Variants in ERN1 observed in about 807,000 individuals in gnomAD.
ERN1 encodes endoplasmic reticulum to nucleus signaling 1.
In ERN1, 39 loss-of-function variants were observed where a neutral mutation model predicts 113.1. The ratio of observed to expected loss-of-function variants is 0.34; its 90% confidence interval spans 0.27 to 0.45. The LOEUF (loss-of-function observed/expected upper bound fraction) is 0.45. Among genes scored for constraint, ERN1 ranks in the 20% least tolerant of loss-of-function variants. The pLI is 1.00. For synonymous variants in ERN1, 507 were observed against 515.9 expected (o/e 0.98, Z 0.23); for missense variants, 976 against 1,274.8 (o/e 0.77, Z 3.57).
chr17:64,047,533 T>C (rs1598043283), intron 19 of ERN1, among the ~76,000 whole-genome samples: 1 of 152,326 alleles, frequency 6.6e-6, no homozygotes, highest in African/African-American at 2.4e-5. Flanking sequence ...TTATGTATTA[T>C]ATATTTGGAA....
intron 5 of ERN1, among the ~76,000 whole-genome samples, chr17:64,074,151 TAG>T (rs2143395322): frequency 6.6e-6 from 1 of 152,332 alleles, no homozygotes; most frequent in East Asian, 1.9e-4. Context: ...CAAGAACCAC[TAG>T]AGTTTACATA....
chr17:64,071,553 TG>T (rs1913417577), intron 6 of ERN1, among the ~76,000 whole-genome samples: 1 of 152,108 alleles, frequency 6.6e-6, no homozygotes, highest in South Asian at 2.1e-4. Flanking sequence ...CCTGAGTAGC[TG>T]GGATTACAGG....
chr17:64,091,004 T>C (rs947650350), intron 2 of ERN1, among the ~76,000 whole-genome samples: 14 of 152,230 alleles, frequency 9.2e-5, no homozygotes, highest in African/African-American at 3.4e-4. Flanking sequence ...TAATTTTCAA[T>C]CCTTCACAAC....
At chr17:64,048,060 C>A in intron 18 of ERN1, 75 bp from the exon 19 acceptor site, 1 of 1,263,406 alleles carries the variant, frequency 7.9e-7, no homozygotes, top group Middle Eastern at 1.9e-4. Context: ...CTTTAAAAAG[C>A]TGCACACCCT....
chr17:64,061,472 T>C (rs781203570), intron 10 of ERN1, among the ~76,000 whole-genome samples: 2 of 152,238 alleles, frequency 1.3e-5, no homozygotes, highest in Non-Finnish European at 2.9e-5. Flanking sequence ...TTTCATGACA[T>C]ACATGCCAAG....
intron 2 of ERN1, among the ~76,000 whole-genome samples, chr17:64,091,626 A>G (rs1454115819): frequency 6.6e-6 from 1 of 152,198 alleles, no homozygotes; most frequent in Non-Finnish European, 1.5e-5. Context: ...TCACAGATGA[A>G]CAGGAGCTTG....
chr17:64,074,104 G>A (rs1320240258), intron 5 of ERN1, among the ~76,000 whole-genome samples: 2 of 152,128 alleles, frequency 1.3e-5, no homozygotes, highest in Non-Finnish European at 2.9e-5. Flanking sequence ...CTAGGACCAC[G>A]AACCTTTTCC....
At position 64,096,781 on chromosome 17, in the gene ERN1, A is replaced by C. The variant is rs559901271; in HGVS notation, c.175+1340T>G. 1.6e-4 allele frequency among the ~76,000 whole-genome samples: 25 copies of C among 152,330 alleles called. No homozygotes were observed. The South Asian group carries it at 5.2e-3, about 32-fold the overall frequency. ...CGGAGAGGACACAGTTTTGTTGCAT[A>C]CAGATGACATTACTTGCAGAAATGA... On this transcript the variant is annotated intron_variant, in intron 2 of 21. Coordinates refer to ENST00000433197, the MANE Select transcript of ERN1 (RefSeq NM_001433.5).
In ERN1 at chr17:64,079,663, G is replaced by A. The variant is rs200474313; in HGVS notation, c.281C>T (p.Thr94Met). Residue 94 changes from threonine (T) to methionine (M), a missense_variant and splice_region_variant, in exon 4 of 22, where the codon ACG (threonine) becomes ATG (methionine). Coordinates refer to ENST00000433197, the MANE Select transcript of ERN1 (RefSeq NM_001433.5). ...CAAAAAGCAGCTAAATATACTCACCGTCAGGCCTTCATTATTCTTGCTTCC... is the reference window on the plus strand; with the variant it reads ...CAAAAAGCAGCTAAATATACTCACCATCAGGCCTTCATTATTCTTGCTTCC... ...TLGSKNNEGL[T>M]KLPFTIPELV... is the part of the protein sequence containing the mutation. 1.6e-5 allele frequency: 26 copies of A among 1,612,808 alleles called. No individual in the cohort carries two copies. The highest frequency in any genetic ancestry group is 1.6e-4 in the Middle Eastern group (1 of 6,084).
At chr17:64,107,952 T>C (rs929817684) in intron 1 of ERN1, among the ~76,000 whole-genome samples, 2 of 152,232 alleles carry the variant, frequency 1.3e-5, no homozygotes, top group Admixed American at 1.3e-4. Context: ...CTATCGGCTG[T>C]TATGTTTCCT....
intron 17 of ERN1, among the ~76,000 whole-genome samples, chr17:64,050,085 C>T (rs1181847776): frequency 1.3e-5 from 2 of 152,182 alleles, no homozygotes; most frequent in African/African-American, 4.8e-5. Flanking sequence ...CAGATGAGAA[C>T]GTGGACAGAA....
chr17:64,112,367 C>CA (rs779687545), intron 1 of ERN1, among the ~76,000 whole-genome samples: 4,368 of 88,168 alleles, frequency 0.05, 198 homozygotes, highest in African/African-American at 0.13. Flanking sequence ...GACTCTGTCT[C>CA]AAAAAAAAAA....
intron 1 of ERN1, among the ~76,000 whole-genome samples, chr17:64,117,587 T>C (rs1322900027): frequency 6.6e-6 from 1 of 152,178 alleles, no homozygotes; most frequent in Non-Finnish European, 1.5e-5. Context: ...TCCAGAAGAT[T>C]AGACAAGAAA....
chr17:64,052,704 G>A, intron 17 of ERN1, 76 bp downstream of exon 17: 1 of 1,384,858 alleles, frequency 7.2e-7, no homozygotes, highest in Non-Finnish European at 9.8e-7. Flanking sequence ...CCCAAACCTG[G>A]AATTTAAAGG....
At chr17:64,060,875 G>A (rs9911715) in intron 10 of ERN1, among the ~76,000 whole-genome samples, 2,864 of 152,272 alleles carry the variant, frequency 0.019, 93 homozygotes, top group African/African-American at 0.065. Flanking sequence ...CGCAAGGCTC[G>A]TGGGGCTGCA....
intron 1 of ERN1, among the ~76,000 whole-genome samples, chr17:64,114,040 T>G (rs1739085277): frequency 1.3e-5 from 2 of 149,468 alleles, no homozygotes; most frequent in Admixed American, 1.3e-4. Context: ...TTCCATGGGC[T>G]TTCAAAGACT....
chr17:64,066,864 G>A lies in ERN1; in HGVS notation c.649C>T (p.Leu217=). The change falls in exon 8 of 22, where the codon CTG becomes TTG. Residue 217 remains leucine, a synonymous_variant. Coordinates refer to ENST00000433197, the MANE Select transcript of ERN1 (RefSeq NM_001433.5). ...GGGGAGGCGTAGTTTTGGATCCACA[G>A]GACGTCCCCAGATTCACTGTCCACA... is the stretch of plus-strand genomic sequence containing the variant. ...VTVDSESGDV[L]WIQNYASPVV... 6.2e-7 allele frequency: 1 copy of A among 1,613,864 alleles called. No individual in the cohort carries two copies. The highest frequency in any genetic ancestry group is 8.5e-7 in the Non-Finnish European group (1 of 1,179,856).
At chr17:64,098,279 A>T (rs1320766890) in intron 1 of ERN1, 38 bp from the exon 2 acceptor site, 1 of 1,613,318 alleles carries the variant, frequency 6.2e-7, no homozygotes, top group South Asian at 1.1e-5. Context: ...TGTTGATATG[A>T]TTCTTCACCT....
At chr17:64,046,591 C>A (rs1912521997) in intron 19 of ERN1, among the ~76,000 whole-genome samples, 1 of 152,246 alleles carries the variant, frequency 6.6e-6, no homozygotes, top group Admixed American at 6.5e-5. Flanking sequence ...TCTTCCCAAC[C>A]CGATCCATCT....
Sources: allele counts gnomAD v4.1 joint callset (sites outside exome capture counted in the v4.1 genomes callset), GRCh38; gene constraint gnomAD v4.1.1; transcripts MANE v1.5; gene names NCBI Gene and HGNC (gene_info 2026-07-23, HGNC 2026-07-21).